Variants in SAMD5 observed in about 807,000 individuals in gnomAD.
The protein encoded by SAMD5 is sterile alpha motif domain-containing protein 5.
SAMD5 carries 13 observed loss-of-function variants against 11.3 expected under a neutral mutation model. The ratio of observed to expected loss-of-function variants is 1.15; its 90% CI spans 0.75 to 1.83. The LOEUF (loss-of-function observed/expected upper bound fraction) is 1.83. Ranked by LOEUF, SAMD5 falls within the 40% of genes most tolerant of loss-of-function variation. SAMD5 has a pLI of 0.00. For missense variants in SAMD5, 255 were observed against 239.1 expected (o/e 1.07, Z -0.44); for synonymous variants, 129 against 111.3 (o/e 1.16, Z -1.00).
intron 1 of SAMD5, among the ~76,000 whole-genome samples, chr6:147,703,877 C>G (rs900066184): frequency 6.6e-6 from 1 of 151,924 alleles, no homozygotes; most frequent in Non-Finnish European, 1.5e-5. Context: ...CTTGGAAATT[C>G]TACATTATTT....
intron 1 of SAMD5, among the ~76,000 whole-genome samples, chr6:147,552,882 C>T (rs1017561410): frequency 3.3e-5 from 5 of 152,190 alleles, no homozygotes; most frequent in African/African-American, 1.2e-4. Context: ...GTGCTTAAAG[C>T]ATACACATTA....
At chr6:147,612,855 C>T (rs1443664869) in intron 1 of SAMD5, among the ~76,000 whole-genome samples, 1 of 152,144 alleles carries the variant, frequency 6.6e-6, no homozygotes, top group Non-Finnish European at 1.5e-5. Context: ...TCAGTCTTCC[C>T]TCTAACTCTG....
chr6:147,896,461 G>A, the SAMD5 span, among the ~76,000 whole-genome samples: 30 of 152,168 alleles, frequency 2.0e-4, no homozygotes, highest in Non-Finnish European at 3.7e-4. Flanking sequence ...GCTGATCTCA[G>A]AGCTCTGGAA....
chr6:147,855,497 AT>A, the SAMD5 span, among the ~76,000 whole-genome samples: 1 of 152,016 alleles, frequency 6.6e-6, no homozygotes, highest in Admixed American at 6.6e-5. Context: ...TTGCCAGTAA[AT>A]TTTTTTCATC....
At chr6:147,554,376 C>T (rs1411964047) in intron 1 of SAMD5, among the ~76,000 whole-genome samples, 2 of 152,180 alleles carry the variant, frequency 1.3e-5, no homozygotes, top group African/African-American at 4.8e-5. Flanking sequence ...AAGAGGATGA[C>T]GCTGTTGTCT....
At chr6:147,902,107 A>T in the SAMD5 span, among the ~76,000 whole-genome samples, 2 of 151,916 alleles carry the variant, frequency 1.3e-5, no homozygotes, top group Non-Finnish European at 2.9e-5. Flanking sequence ...TGGCTTTCTA[A>T]TTTAAGCCTT....
intron 1 of SAMD5, among the ~76,000 whole-genome samples, chr6:147,663,736 G>A (rs531711725): frequency 1.4e-5 from 2 of 141,366 alleles, no homozygotes; most frequent in African/African-American, 5.2e-5. Context: ...AGGTTGCAGT[G>A]AGCAGAGATC....
chr6:147,701,981 C>A (rs528117752), intron 1 of SAMD5, among the ~76,000 whole-genome samples: 2 of 152,082 alleles, frequency 1.3e-5, no homozygotes, highest in South Asian at 4.2e-4. Context: ...CGGGAAGGGC[C>A]CCTGTATTAG....
the SAMD5 span, among the ~76,000 whole-genome samples, chr6:147,875,763 A>G: frequency 2.6e-5 from 4 of 152,136 alleles, no homozygotes; most frequent in African/African-American, 9.7e-5. Context: ...TCTAGGTTGC[A>G]CGTTCCTTAT....
At chr6:147,774,896 T>C in the SAMD5 span, among the ~76,000 whole-genome samples, 1 of 152,186 alleles carries the variant, frequency 6.6e-6, no homozygotes, top group South Asian at 2.1e-4. Context: ...CACACACACA[T>C]GATTAAAAAT....
chr6:147,875,345 C>T, the SAMD5 span, among the ~76,000 whole-genome samples: 10 of 152,136 alleles, frequency 6.6e-5, no homozygotes, highest in Non-Finnish European at 1.2e-4. Flanking sequence ...CTTAGAGCAA[C>T]GACCAAGTAG....
the SAMD5 span, among the ~76,000 whole-genome samples, chr6:147,870,029 T>C: frequency 6.6e-6 from 1 of 152,130 alleles, no homozygotes; most frequent in Non-Finnish European, 1.5e-5. Flanking sequence ...TAAGAATTAT[T>C]AATGGGATTT....
chr6:147,788,976 C>T, the SAMD5 span, among the ~76,000 whole-genome samples: 1 of 151,624 alleles, frequency 6.6e-6, no homozygotes, highest in Non-Finnish European at 1.5e-5. Flanking sequence ...CCCAGCTACT[C>T]GGGAGGCTGA....
At chr6:147,615,068 T>C (rs1185368176) in intron 1 of SAMD5, among the ~76,000 whole-genome samples, 1 of 151,968 alleles carries the variant, frequency 6.6e-6, no homozygotes, top group South Asian at 2.1e-4. Context: ...AATCTAGAGA[T>C]GATTTGAAGT....
At chr6:147,694,742 C>T (rs2128457313) in intron 1 of SAMD5, among the ~76,000 whole-genome samples, 1 of 152,158 alleles carries the variant, frequency 6.6e-6, no homozygotes, top group South Asian at 2.1e-4. Context: ...GCTTGAACCC[C>T]ACAGGTCAAG....
At chr6:147,778,673 A>G in the SAMD5 span, among the ~76,000 whole-genome samples, 1 of 152,158 alleles carries the variant, frequency 6.6e-6, no homozygotes, top group Non-Finnish European at 1.5e-5. Context: ...CTGCAGAAGG[A>G]CAACCTCTCC....
the SAMD5 span, among the ~76,000 whole-genome samples, chr6:147,835,492 A>G: frequency 6.6e-6 from 1 of 152,078 alleles, no homozygotes; most frequent in Admixed American, 6.6e-5. Context: ...ATGATGGTCT[A>G]TGCCTTTACC....
intron 1 of SAMD5, among the ~76,000 whole-genome samples, chr6:147,693,734 G>C (rs1242966290): frequency 6.6e-6 from 1 of 152,152 alleles, no homozygotes; most frequent in Non-Finnish European, 1.5e-5. Flanking sequence ...GGGAGGCCAA[G>C]GTAGGCGGGG....
chr6:147,787,313 A>G, the SAMD5 span, among the ~76,000 whole-genome samples: 1 of 152,214 alleles, frequency 6.6e-6, no homozygotes, highest in Non-Finnish European at 1.5e-5. Flanking sequence ...GCACAGATGC[A>G]AAGTCCTCAA....
Sources: gnomAD v4.1 joint callset for allele counts (sites outside exome capture counted in the v4.1 genomes callset) on GRCh38, gnomAD v4.1.1 for gene constraint, MANE v1.5 for transcripts, NCBI Gene and HGNC (gene_info 2026-07-23, HGNC 2026-07-21) for gene names.